The following MYRIP variants were observed in gnomAD, a reference collection of about 807,000 sequenced individuals.
MYRIP encodes rab effector MyRIP.
Under a neutral mutation model 98.0 loss-of-function variants are expected in MYRIP, and 49 were observed. The ratio of observed to expected loss-of-function variants is 0.50; its 90% CI spans 0.40 to 0.63. The LOEUF (loss-of-function observed/expected upper bound fraction) is 0.63, where lower values mean the gene tolerates loss of function less well. MYRIP is among the 30% of genes least tolerant of loss of function. The pLI is 0.00. For missense variants in MYRIP, 1,004 were observed against 1,058.2 expected, an observed-to-expected ratio of 0.95 and a Z score of 0.71; for synonymous variants, 404 against 409.5, an observed-to-expected ratio of 0.99 and a Z score of 0.16.
At chr3:39,999,178 G>C (rs1031477388) in intron 2 of MYRIP, among the ~76,000 whole-genome samples, 46 of 152,304 alleles carry the variant, frequency 3.0e-4, no homozygotes, top group African/African-American at 9.9e-4. Flanking sequence ...ATTGACAAAT[G>C]GGTTCTAATT....
At chr3:40,064,876 T>G (rs1023958461) in intron 3 of MYRIP, among the ~76,000 whole-genome samples, 16 of 152,150 alleles carry the variant, frequency 1.1e-4, no homozygotes, top group African/African-American at 3.6e-4. Context: ...CAAAGGAGCA[T>G]CTTTCTAGGA....
At chr3:39,874,532 T>G (rs1002161218) in intron 1 of MYRIP, among the ~76,000 whole-genome samples, 1 of 152,194 alleles carries the variant, frequency 6.6e-6, no homozygotes, top group Non-Finnish European at 1.5e-5. Flanking sequence ...CCTAATTTAT[T>G]GAGAGTTTTT....
chr3:39,965,430 G>C (rs936746365), intron 2 of MYRIP, among the ~76,000 whole-genome samples: 3 of 152,054 alleles, frequency 2.0e-5, no homozygotes, highest in Non-Finnish European at 2.9e-5. Flanking sequence ...TTCCACACCT[G>C]AGTCAGTACA....
chr3:40,180,522 G>A (rs1380370949), intron 8 of MYRIP, among the ~76,000 whole-genome samples: 1 of 152,196 alleles, frequency 6.6e-6, no homozygotes, highest in Non-Finnish European at 1.5e-5. Flanking sequence ...GTTGGGGAAG[G>A]GGGCAATTGG....
At chr3:40,071,115 C>G in intron 3 of MYRIP, 3 of 984,388 alleles carry the variant, frequency 3.0e-6, no homozygotes, top group Non-Finnish European at 3.6e-6. Context: ...AGAAGAGAGT[C>G]ATTTTGATGT....
At chr3:40,008,620 C>G (rs1946686367) in intron 2 of MYRIP, among the ~76,000 whole-genome samples, 1 of 152,172 alleles carries the variant, frequency 6.6e-6, no homozygotes, top group Admixed American at 6.5e-5. Context: ...CTGGAAGACA[C>G]AGCCGAGGGA....
chr3:39,997,623 C>A (rs1410201360), intron 2 of MYRIP, among the ~76,000 whole-genome samples: 1 of 152,168 alleles, frequency 6.6e-6, no homozygotes, highest in Non-Finnish European at 1.5e-5. Flanking sequence ...GAGCTAGTAC[C>A]ATTCCTTCTG....
intron 1 of MYRIP, among the ~76,000 whole-genome samples, chr3:39,884,742 A>T (rs1359424748): frequency 6.6e-6 from 1 of 151,526 alleles, no homozygotes; most frequent in Non-Finnish European, 1.5e-5. Flanking sequence ...GCTCATAAAT[A>T]ATTTTTCTTC....
intron 4 of MYRIP, among the ~76,000 whole-genome samples, chr3:40,157,686 C>G (rs1405754515): frequency 0.011 from 1,619 of 150,546 alleles, 37 homozygotes; most frequent in African/African-American, 0.037. Flanking sequence ...TGTTATTGGT[C>G]TATTCAGAGA....
chr3:40,135,260 A>G (rs190934702), intron 3 of MYRIP, among the ~76,000 whole-genome samples: 1 of 152,362 alleles, frequency 6.6e-6, no homozygotes, highest in East Asian at 1.9e-4. Context: ...AACCGATGTG[A>G]TCAACTGGAA....
At chr3:40,092,137 C>T (rs1331508055) in intron 3 of MYRIP, among the ~76,000 whole-genome samples, 4 of 152,164 alleles carry the variant, frequency 2.6e-5, no homozygotes, top group African/African-American at 9.7e-5. Context: ...AGACACAGAG[C>T]CCCTCACACT....
intron 2 of MYRIP, among the ~76,000 whole-genome samples, chr3:40,038,555 A>G (rs1328382729): frequency 3.3e-5 from 5 of 152,158 alleles, no homozygotes; most frequent in African/African-American, 1.2e-4. Flanking sequence ...GAAAAGAGGG[A>G]CATAATGACA....
At chr3:40,211,855 G>A (rs1257091257) in intron 11 of MYRIP, among the ~76,000 whole-genome samples, 1 of 151,962 alleles carries the variant, frequency 6.6e-6, no homozygotes, top group African/African-American at 2.4e-5. Flanking sequence ...CCCCTGGGCA[G>A]AGTGTCAGCA....
chr3:40,002,927 T>A (rs1378197541), intron 2 of MYRIP, among the ~76,000 whole-genome samples: 3 of 151,968 alleles, frequency 2.0e-5, no homozygotes, highest in Admixed American at 2.0e-4. Context: ...TATATAGACA[T>A]ATATAGATAT....
intron 2 of MYRIP, among the ~76,000 whole-genome samples, chr3:39,966,052 C>A (rs1404245138): frequency 6.6e-6 from 1 of 152,150 alleles, no homozygotes; most frequent in East Asian, 1.9e-4. Context: ...CCCTGAGCTT[C>A]TGTCCCTGTA....
chr3:40,245,552 G>A (rs1196705214), intron 13 of MYRIP, among the ~76,000 whole-genome samples: 2 of 150,220 alleles, frequency 1.3e-5, no homozygotes, highest in African/African-American at 4.9e-5. Context: ...GGGAGACTGA[G>A]GCAGGAGAAT....
chr3:40,241,609 A>G (rs1953016977), intron 12 of MYRIP, among the ~76,000 whole-genome samples: 2 of 152,196 alleles, frequency 1.3e-5, no homozygotes, highest in Admixed American at 6.5e-5. Flanking sequence ...AATCTGTTTA[A>G]CACTCTTTAT....
intron 3 of MYRIP, among the ~76,000 whole-genome samples, chr3:40,108,583 A>G (rs940444175): frequency 3.3e-5 from 5 of 152,208 alleles, no homozygotes; most frequent in African/African-American, 1.2e-4. Flanking sequence ...GTATCATGGC[A>G]GCCAAAGTAA....
At chr3:40,167,081 CAGG>C in intron 6 of MYRIP, 75 bp from the exon 7 acceptor site, 1 of 1,470,738 alleles carries the variant, frequency 6.8e-7, no homozygotes, top group Non-Finnish European at 9.5e-7. Flanking sequence ...CTTTTGTGGT[CAGG>C]ACTCTCCTGG....
Sources: gnomAD v4.1 joint callset for allele counts (sites outside exome capture counted in the v4.1 genomes callset) on GRCh38, gnomAD v4.1.1 for gene constraint, MANE v1.5 for transcripts, NCBI Gene and HGNC (gene_info 2026-07-23, HGNC 2026-07-21) for gene names.